CENPP: variants seen among roughly 807,000 people sequenced by gnomAD.
CENPP encodes centromere protein P.
CENPP carries 24 observed loss-of-function variants against 35.6 expected under a neutral mutation model. That is an observed-to-expected ratio of 0.67 (90% CI 0.49 to 0.95). The LOEUF is 0.95. Among genes scored for constraint, CENPP ranks in the 40% least tolerant of loss-of-function variants. The pLI is 0.00. For synonymous variants in CENPP, 120 were observed against 125.5 expected (o/e 0.96, Z 0.29); for missense variants, 332 against 345.3 (o/e 0.96, Z 0.31).
intron 5 of CENPP, among the ~76,000 whole-genome samples, chr9:92,546,955 A>T (rs542022200): frequency 1.1e-3 from 166 of 152,284 alleles, no homozygotes; most frequent in Middle Eastern, 3.4e-3. Flanking sequence ...CAGCATAACT[A>T]TATTACAAAC....
chr9:92,557,338 T>C (rs1021539441), intron 5 of CENPP, among the ~76,000 whole-genome samples: 8 of 152,182 alleles, frequency 5.3e-5, no homozygotes, highest in African/African-American at 1.9e-4. Flanking sequence ...CAGGTGTTCT[T>C]TGTGCTTCTT....
chr9:92,548,816 A>G (rs1009966603), intron 5 of CENPP, among the ~76,000 whole-genome samples: 1 of 152,176 alleles, frequency 6.6e-6, no homozygotes, highest in Non-Finnish European at 1.5e-5. Flanking sequence ...CACTGATCTT[A>G]GAGTTGATGA....
chr9:92,518,558 G>A (rs1847871408), intron 5 of CENPP, among the ~76,000 whole-genome samples: 3 of 152,126 alleles, frequency 2.0e-5, no homozygotes, highest in Non-Finnish European at 2.9e-5. Flanking sequence ...GGTTTATTAT[G>A]CTATTGAAAT....
At chr9:92,539,866 G>A (rs1483086910) in intron 5 of CENPP, among the ~76,000 whole-genome samples, 1 of 152,122 alleles carries the variant, frequency 6.6e-6, no homozygotes, top group Non-Finnish European at 1.5e-5. Flanking sequence ...TGGACATTTG[G>A]GTTGTTTCCC....
At chr9:92,423,482 G>T (rs1434666001) in intron 5 of CENPP, among the ~76,000 whole-genome samples, 1 of 151,994 alleles carries the variant, frequency 6.6e-6, no homozygotes, top group Admixed American at 6.6e-5. Flanking sequence ...TTATTTGTAT[G>T]ACATAGAAAC....
intron 4 of CENPP, among the ~76,000 whole-genome samples, chr9:92,355,065 A>C (rs545253234): frequency 6.6e-6 from 1 of 152,222 alleles, no homozygotes; most frequent in Non-Finnish European, 1.5e-5. Context: ...ATAAGGGTCC[A>C]TGTTCAGCGG....
chr9:92,345,367 C>T (rs1841259661), intron 3 of CENPP, among the ~76,000 whole-genome samples: 1 of 151,778 alleles, frequency 6.6e-6, no homozygotes. Context: ...CACCTGTTGT[C>T]CCAGCTCCCC....
intron 5 of CENPP, among the ~76,000 whole-genome samples, chr9:92,443,820 C>A (rs1003218637): frequency 6.6e-6 from 1 of 152,152 alleles, no homozygotes; most frequent in African/African-American, 2.4e-5. Flanking sequence ...CCACCACGCC[C>A]AGCTAATTTT....
chr9:92,536,310 G>A (rs530540478), intron 5 of CENPP, among the ~76,000 whole-genome samples: 13 of 152,168 alleles, frequency 8.5e-5, no homozygotes, highest in African/African-American at 2.6e-4. Flanking sequence ...TAGACTATTC[G>A]CATTAAAAAT....
intron 5 of CENPP, among the ~76,000 whole-genome samples, chr9:92,446,007 C>T (rs946410485): frequency 6.6e-6 from 1 of 151,962 alleles, no homozygotes; most frequent in South Asian, 2.1e-4. Context: ...TTTATTCTTT[C>T]TACTTTCGCT....
At chr9:92,506,056 G>T (rs987146028) in intron 5 of CENPP, among the ~76,000 whole-genome samples, 1 of 152,236 alleles carries the variant, frequency 6.6e-6, no homozygotes, top group African/African-American at 2.4e-5. Flanking sequence ...TGGAATTCAG[G>T]TAGGAAAGGA....
intron 5 of CENPP, chr9:92,522,617 A>G (rs751900285): frequency 2.5e-6 from 4 of 1,613,718 alleles, no homozygotes; most frequent in Non-Finnish European, 3.4e-6. Context: ...GGAAAACTTG[A>G]AAAGGATTCA....
At chr9:92,367,686 C>T (rs557178005) in intron 4 of CENPP, among the ~76,000 whole-genome samples, 5 of 152,122 alleles carry the variant, frequency 3.3e-5, no homozygotes, top group South Asian at 2.1e-4. Context: ...GGTGCGATCT[C>T]GGCTCACTGC....
At chr9:92,603,049 A>G (rs1195842541) in intron 5 of CENPP, among the ~76,000 whole-genome samples, 3 of 152,156 alleles carry the variant, frequency 2.0e-5, no homozygotes, top group Non-Finnish European at 2.9e-5. Flanking sequence ...TTGGCCTCCC[A>G]AAGTGCTGGG....
At chr9:92,330,662 GTT>G (rs1840713211) in intron 1 of CENPP, among the ~76,000 whole-genome samples, 1 of 146,386 alleles carries the variant, frequency 6.8e-6, no homozygotes, top group Non-Finnish European at 1.5e-5. Context: ...TTTTAAAAAA[GTT>G]TAAGTTTTTT....
rs963395606 is a variant in CENPP at position 92,611,360 on chromosome 9, G to A, written c.611G>A (p.Cys204Tyr). 3 of 1,613,590 alleles carry A rather than the reference G, an allele frequency of 1.9e-6. No homozygotes were observed. In the African/African-American group the frequency reaches 4.0e-5, roughly 22 times the overall value. The change falls in exon 6 of 8, where the codon TGC becomes TAC. Residue 204 changes from cysteine (C) to tyrosine (Y), a missense_variant. Cys to Tyr is a radical substitution (Grantham distance 194). Coordinates refer to ENST00000375587, the MANE Select transcript of CENPP (RefSeq NM_001012267.3). ...TACCTCTCGGAGGGGCCCTCCTCCT[G>A]CTCCATGGGGATCCGCAGCGCCAGC... ...AVYLSEGPSS[C>Y]SMGIRSASRP...
At chr9:92,612,418 G>A (rs1462356014) in intron 6 of CENPP, 105 bp from the exon 7 acceptor site, 9 of 845,152 alleles carry the variant, frequency 1.1e-5, no homozygotes, top group Middle Eastern at 2.2e-4. Context: ...GTTTCTAGCA[G>A]GGGAGCCCAG....
chr9:92,335,483 C>T (rs182239285), intron 2 of CENPP, among the ~76,000 whole-genome samples: 1 of 152,000 alleles, frequency 6.6e-6, no homozygotes, highest in Non-Finnish European at 1.5e-5. Flanking sequence ...TAGATTTTCT[C>T]CTATATTCTA....
At chr9:92,386,351 G>A in intron 5 of CENPP, 1 of 1,111,462 alleles carries the variant, frequency 9.0e-7, no homozygotes, top group East Asian at 2.4e-5. Flanking sequence ...TCTTTCACAG[G>A]ATTCAAGCAA....
Sources: gnomAD v4.1 joint callset for allele counts (sites outside exome capture counted in the v4.1 genomes callset) on GRCh38, gnomAD v4.1.1 for gene constraint, MANE v1.5 for transcripts, NCBI Gene and HGNC (gene_info 2026-07-23, HGNC 2026-07-21) for gene names.